PPP1R12A: variants seen among roughly 807,000 people sequenced by gnomAD.
The protein encoded by PPP1R12A is protein phosphatase 1 regulatory subunit 12A, also known as myosin binding subunit.
Under a neutral mutation model 139.6 loss-of-function variants are expected in PPP1R12A, and 19 were observed. That is an observed-to-expected ratio of 0.14 (90% CI 0.09 to 0.20). PPP1R12A has a LOEUF of 0.20. Ranked by LOEUF, PPP1R12A falls within the 10% of genes least tolerant of loss-of-function variation. The pLI is 1.00. For missense variants in PPP1R12A, 925 were observed against 1,211.5 expected (o/e 0.76, Z 3.51); for synonymous variants, 427 against 420.6 (o/e 1.02, Z -0.19).
chr12:79,847,157 C>A (rs1220856389), intron 2 of PPP1R12A, among the ~76,000 whole-genome samples: 1 of 152,138 alleles, frequency 6.6e-6, no homozygotes, highest in Non-Finnish European at 1.5e-5. Context: ...AGTACCTCTG[C>A]CATAAATTTA....
At chr12:79,890,423 CA>C (rs1884479217) in intron 1 of PPP1R12A, among the ~76,000 whole-genome samples, 1 of 152,074 alleles carries the variant, frequency 6.6e-6, no homozygotes, top group Non-Finnish European at 1.5e-5. Flanking sequence ...TTATCCTACA[CA>C]AAAATATCCA....
At chr12:79,898,456 A>G (rs1485021937) in intron 1 of PPP1R12A, among the ~76,000 whole-genome samples, 1 of 152,180 alleles carries the variant, frequency 6.6e-6, no homozygotes, top group Non-Finnish European at 1.5e-5. Context: ...CTCTGTCTCA[A>G]AAAACAAATA....
At chr12:79,917,379 G>A (rs1887079881) in intron 1 of PPP1R12A, among the ~76,000 whole-genome samples, 1 of 151,714 alleles carries the variant, frequency 6.6e-6, no homozygotes, top group African/African-American at 2.4e-5. Context: ...CAGCTACTCG[G>A]GAGGCTGAGG....
intron 1 of PPP1R12A, among the ~76,000 whole-genome samples, chr12:79,882,700 A>T (rs947280644): frequency 6.6e-6 from 1 of 152,188 alleles, no homozygotes; most frequent in East Asian, 1.9e-4. Context: ...ATGCTATCAA[A>T]CAGCATCATA....
At chr12:79,868,812 G>A (rs1882262728) in intron 2 of PPP1R12A, among the ~76,000 whole-genome samples, 1 of 151,028 alleles carries the variant, frequency 6.6e-6, no homozygotes, top group Non-Finnish European at 1.5e-5. Flanking sequence ...ACACTATTCT[G>A]CCCATAATAC....
intron 1 of PPP1R12A, among the ~76,000 whole-genome samples, chr12:79,917,649 C>CA (rs148865958): frequency 0.019 from 2,874 of 151,962 alleles, 93 homozygotes; most frequent in African/African-American, 0.066. Flanking sequence ...TTAAAACATG[C>CA]AAAAAACCCT....
At chr12:79,799,306 G>A (rs1437281824) in intron 14 of PPP1R12A, among the ~76,000 whole-genome samples, 1 of 151,978 alleles carries the variant, frequency 6.6e-6, no homozygotes, top group Non-Finnish European at 1.5e-5. Context: ...ATACCACCAC[G>A]CCCGACTAAT....
In PPP1R12A at chr12:79,793,895, T is replaced by G; in HGVS notation, c.2617A>C (p.Thr873Pro). The G allele has an allele frequency of 6.3e-7, 1 of 1,594,930 alleles. No individual in the cohort carries two copies. Among genetic ancestry groups the G allele is most frequent in the Non-Finnish European group, 8.5e-7 (1 of 1,171,610 alleles). Residue 873 changes from threonine (T) to proline (P), a missense_variant, in exon 19 of 25, where the codon ACA becomes CCA. Coordinates refer to ENST00000450142, the MANE Select transcript of PPP1R12A (RefSeq NM_002480.3). ...TCTTTCTTATTGGATCCCTCTTCTG[T>G]GTCTGATTGTTGTTCTTGTTCATTT... ...DENEQEQQSD[T>P]EEGSNKKETQ...
chr12:79,845,550 A>G lies in PPP1R12A; in HGVS notation c.369-130T>C, dbSNP rs544927354. The G allele has an allele frequency of 1.2e-5, 8 of 659,064 alleles. No homozygotes were observed. The East Asian group carries it at 2.1e-4, about 17-fold the overall frequency. The allele number at this position is 659,064 out of a possible 1,614,324, so 40.8% of individuals were successfully genotyped here. A position where few individuals can be genotyped will look rare whatever the true frequency, so the allele number is the denominator to read the frequency against. Reference sequence around the variant, plus strand: ...GCAGTATATACATTATTTAAATTTTAAAAAACTATCAGGCCAGGCGCAGTG... The same window carrying G: ...GCAGTATATACATTATTTAAATTTTGAAAAACTATCAGGCCAGGCGCAGTG... On this transcript the variant is annotated intron_variant, in intron 2 of 24. Coordinates refer to ENST00000450142, the MANE Select transcript of PPP1R12A (RefSeq NM_002480.3).
intron 15 of PPP1R12A, among the ~76,000 whole-genome samples, 159 bp from the exon 16 acceptor site, chr12:79,797,554 T>A (rs1212454147): frequency 6.6e-6 from 1 of 152,142 alleles, no homozygotes; most frequent in Non-Finnish European, 1.5e-5. Flanking sequence ...ATTCATTCTA[T>A]GAAGAATCAC....
At chr12:79,855,922 T>TG (rs1051132824) in intron 2 of PPP1R12A, among the ~76,000 whole-genome samples, 2 of 146,580 alleles carry the variant, frequency 1.4e-5, no homozygotes, top group African/African-American at 5.0e-5. Flanking sequence ...CTTAGAACAG[T>TG]AAAAAAAAAA....
In PPP1R12A at chr12:79,775,923, T is replaced by C. The variant is rs1469643840; in HGVS notation, c.*6A>G. The C allele has an allele frequency of 5.8e-6, 9 of 1,559,766 alleles. No homozygotes were observed. The East Asian group carries it at 1.2e-4, about 20-fold the overall frequency. Reference sequence around the variant, plus strand: ...GCAATTCCATTACTTGCTGCTTTTTTTTTTTTTATTTGGAAAGTTTGCTTA... The same window carrying C: ...GCAATTCCATTACTTGCTGCTTTTTCTTTTTTTATTTGGAAAGTTTGCTTA... On this transcript the variant is annotated 3_prime_UTR_variant, in exon 25 of 25. Transcript: ENST00000450142.
At chr12:79,828,837 T>C (rs1411107104) in intron 4 of PPP1R12A, among the ~76,000 whole-genome samples, 1 of 152,130 alleles carries the variant, frequency 6.6e-6, no homozygotes, top group Non-Finnish European at 1.5e-5. Context: ...GTAAAACTGA[T>C]TTATTGCAGG....
chr12:79,844,682 C>T (rs539942568), intron 3 of PPP1R12A, among the ~76,000 whole-genome samples: 1 of 152,306 alleles, frequency 6.6e-6, no homozygotes, highest in Non-Finnish European at 1.5e-5. Context: ...AATCCTCTGC[C>T]TCAATCCCTC....
rs566709792 is a variant in PPP1R12A at position 79,809,995 on chromosome 12, T to C, written c.1255A>G (p.Thr419Ala). 26 of 1,611,854 alleles carry C rather than the reference T, an allele frequency of 1.6e-5. No individual in the cohort carries two copies. In the South Asian group the frequency reaches 2.4e-4, roughly 15 times the overall value. Reference sequence around the variant, plus strand: ...TCTTCTTCTTTGGGAGAAATTTTTGTAGCTGTGGTTGGAAACTGTGTTTAT... The same window carrying C: ...TCTTCTTCTTTGGGAGAAATTTTTGCAGCTGTGGTTGGAAACTGTGTTTAT... ...SPIKKFPTTA[T>A]KISPKEEERK... Residue 419 changes from threonine (T) to alanine (A), a missense_variant, in exon 10 of 25, where the codon ACA (threonine) becomes GCA (alanine). Coordinates refer to ENST00000450142, the MANE Select transcript of PPP1R12A (RefSeq NM_002480.3).
At chr12:79,798,766 CTAGT>C (rs1416043784) in intron 14 of PPP1R12A, among the ~76,000 whole-genome samples, 182 bp from the exon 15 acceptor site, 18 of 152,126 alleles carry the variant, frequency 1.2e-4, no homozygotes, top group African/African-American at 4.3e-4. Flanking sequence ...TAGATTGGAA[CTAGT>C]TATATTTTAA....
At chr12:79,803,053 C>T (rs73138621) in intron 14 of PPP1R12A, among the ~76,000 whole-genome samples, 3,991 of 152,258 alleles carry the variant, frequency 0.026, 69 homozygotes, top group Non-Finnish European at 0.042. Flanking sequence ...ATCTATCATA[C>T]CTGGTTTCAC....
At chr12:79,925,667 C>T (rs1887784847) in intron 1 of PPP1R12A, among the ~76,000 whole-genome samples, 1 of 152,154 alleles carries the variant, frequency 6.6e-6, no homozygotes, top group Non-Finnish European at 1.5e-5. Flanking sequence ...TGTGGAATGT[C>T]TCCTCCCATG....
chr12:79,782,117 T>C (rs10746143), intron 22 of PPP1R12A: 238,436 of 287,262 alleles, frequency 0.83, 102,470 homozygotes, highest in Non-Finnish European at 0.93. Context: ...CATAGTTTAG[T>C]TGGGCGTGAG....
Sources: allele counts gnomAD v4.1 joint callset (sites outside exome capture counted in the v4.1 genomes callset), GRCh38; gene constraint gnomAD v4.1.1; transcripts MANE v1.5; gene names NCBI Gene and HGNC (gene_info 2026-07-23, HGNC 2026-07-21).